P3H3: variants seen among roughly 807,000 people sequenced by gnomAD.
P3H3 encodes gene rich cluster, B.
P3H3 carries 64 observed loss-of-function variants against 78.1 expected under a neutral mutation model. That is an observed-to-expected ratio of 0.82 (90% CI 0.67 to 1.01). The LOEUF (loss-of-function observed/expected upper bound fraction) is 1.01, where lower values mean the gene tolerates loss of function less well. Ranked by LOEUF, P3H3 falls within the 50% of genes least tolerant of loss-of-function variation. P3H3 has a pLI of 0.00. For synonymous variants in P3H3, 425 were observed against 416.7 expected, an observed-to-expected ratio of 1.02 and a Z score of -0.24; for missense variants, 975 against 982.2, an observed-to-expected ratio of 0.99 and a Z score of 0.10.
At position 6,837,774 on chromosome 12, in the gene P3H3, C is replaced by G; in HGVS notation, c.1754C>G (p.Ala585Gly). 1 of 1,613,404 alleles carries G rather than the reference C, an allele frequency of 6.2e-7. No individual in the cohort carries two copies. The highest frequency in any genetic ancestry group is 8.5e-7 in the Non-Finnish European group (1 of 1,179,692). ...QRMDLSHPVHADNCVLDPDTG... is the reference protein window; with the variant it reads ...QRMDLSHPVHGDNCVLDPDTG... The stretch of plus-strand genomic sequence containing the variant: ...ATGGACCTGAGTCACCCAGTGCACG[C>G]AGACAACTGCGTCCTGGACCCTGAC... The change falls in exon 12 of 15, where the codon GCA becomes GGA. Residue 585 changes from alanine to glycine, a missense_variant. Transcript: ENST00000290510.
In P3H3 at chr12:6,833,489, C is replaced by G; in HGVS notation, c.1213-103C>G. On this transcript the variant is annotated intron_variant, in intron 6 of 14. Coordinates refer to ENST00000290510, the MANE Select transcript of P3H3 (RefSeq NM_014262.5). The stretch of plus-strand genomic sequence containing the variant: ...CCGGGCTTTTCCTACCTCCGTCTTC[C>G]TCTCTGGAAACAGAAGAAACTTAAT... The G allele has an allele frequency of 2.5e-6, 3 of 1,215,300 alleles. No individual in the cohort carries two copies. In the South Asian group the frequency reaches 3.7e-5, roughly 15 times the overall value. 75.3% of individuals were successfully genotyped at this position (1,215,300 alleles called of 1,614,324 possible).
Position 6,830,535 on chromosome 12 carries a change from C to T in P3H3, c.834C>T (p.Gly278=). The change falls in exon 3 of 15, where the codon GGC becomes GGT. Residue 278 remains glycine (G), a synonymous_variant. Transcript: ENST00000290510. ...AGGATGGGGCTGCGAGCCAGGGGGGCCTCTATGAGGCCATTGCAGGTAAGG... is the reference window on the plus strand; with the variant it reads ...AGGATGGGGCTGCGAGCCAGGGGGGTCTCTATGAGGCCATTGCAGGTAAGG... ...EEEDGAASQG[G]LYEAIAGHWI... The T allele has an allele frequency of 1.3e-6, 2 of 1,571,972 alleles. No homozygotes were observed. Among genetic ancestry groups the T allele is most frequent in the Non-Finnish European group, 1.7e-6 (2 of 1,159,200 alleles).
Position 6,831,712 on chromosome 12 carries a change from C to CG in P3H3, c.1123-107dup. Reference sequence around the variant, plus strand: ...GAGGGGGAACGTTGAACAGAGGAACCGGGGGGCATGGTGCCAGGTTCAAGG... The same window carrying CG: ...GAGGGGGAACGTTGAACAGAGGAACCGGGGGGGCATGGTGCCAGGTTCAAGG... On this transcript the variant is annotated intron_variant, in intron 5 of 14. Coordinates refer to ENST00000290510, the MANE Select transcript of P3H3 (RefSeq NM_014262.5). The surrounding 1 kb of genome is among the most constrained non-coding windows in gnomAD (Gnocchi z 4.6). 1.4e-6 allele frequency: 1 copy of CG among 739,268 alleles called. No homozygotes were observed. The highest frequency in any genetic ancestry group is 2.4e-6 in the Non-Finnish European group (1 of 418,978). The allele number at this position is 739,268 out of a possible 1,614,324, so 45.8% of individuals were successfully genotyped here.
chr12:6,837,009 T>A lies in P3H3; in HGVS notation c.1483T>A (p.Ser495Thr). 1.2e-6 allele frequency: 2 copies of A among 1,610,760 alleles called. No homozygotes were observed. Among genetic ancestry groups the A allele is most frequent in the Non-Finnish European group, 1.7e-6 (2 of 1,179,598 alleles). ...GGATGCAGCTGGGGCTGGAGCCAGG[T>A]CTGGCTATCGTGGTCGCCGCTCCCC... ...AKDAAGAGAR[S>T]GYRGRRSPHT... The change falls in exon 10 of 15, where the codon TCT (serine) becomes ACT (threonine). Residue 495 changes from serine to threonine, a missense_variant. By Grantham distance (58) the Ser-to-Thr change is moderately conservative. Transcript: ENST00000290510.
chr12:6,837,379 C>A (rs1555122312), intron 10 of P3H3, 44 bp from the exon 11 acceptor site: 1 of 1,581,132 alleles, frequency 6.3e-7, no homozygotes, highest in Non-Finnish European at 8.6e-7. Flanking sequence ...GACCACCCTC[C>A]CCTTGCCTTC....
rs1263857559 is a variant in P3H3 at position 6,839,619 on chromosome 12, C to G, written c.*158C>G. ...TCTTGGGGACCTACAAGGGCCTGGA[C>G]TCAGAGGACAGTGCACAGGCTAGCC... On this transcript the variant is annotated 3_prime_UTR_variant, in exon 15 of 15. Coordinates refer to ENST00000290510, the MANE Select transcript of P3H3 (RefSeq NM_014262.5). The G allele has an allele frequency of 5.2e-6, 5 of 956,422 alleles. No homozygotes were observed. In the Admixed American group the frequency reaches 8.5e-5, roughly 16 times the overall value. The allele number at this position is 956,422 out of a possible 1,614,324, so 59.2% of individuals were successfully genotyped here.
rs782015917 is a variant in P3H3, at chr12:6,837,479, C to T, written c.1617C>T (p.Ser539=). The change falls in exon 11 of 15, where the codon AGC becomes AGT. Residue 539 remains serine, a synonymous_variant. Transcript: ENST00000290510. The part of the protein sequence containing the change: ...SQGAKLLLEV[S]ERVRTLTQAY... Reference sequence around the variant, plus strand: ...GTGCTAAGCTGCTTCTGGAGGTGAGCGAGCGGGTGCGGACCTTGACCCAGG... The same window carrying T: ...GTGCTAAGCTGCTTCTGGAGGTGAGTGAGCGGGTGCGGACCTTGACCCAGG... 8.1e-6 allele frequency: 13 copies of T among 1,610,896 alleles called. No individual in the cohort carries two copies. Among genetic ancestry groups the T allele is most frequent in the Middle Eastern group, 1.6e-4 (1 of 6,076 alleles).
At position 6,837,940 on chromosome 12, in the gene P3H3, G is replaced by C. The variant is rs1943516931; in HGVS notation, c.1830-18G>C. 1 of 1,598,952 alleles carries C rather than the reference G, an allele frequency of 6.3e-7. No homozygotes were observed. Among genetic ancestry groups the C allele is most frequent in the Non-Finnish European group, 8.5e-7 (1 of 1,172,546 alleles). On this transcript the variant is annotated intron_variant, in intron 12 of 14. Coordinates refer to ENST00000290510, the MANE Select transcript of P3H3 (RefSeq NM_014262.5). The stretch of plus-strand genomic sequence containing the variant: ...CTGGGTTGGGGTCTCACTGCCTCTT[G>C]CTTTTTTCCCTCCCCAGCGGACTCC...
In P3H3 at chr12:6,831,268, C is replaced by G. The variant is rs1943448503; in HGVS notation, c.1038C>G (p.Tyr346Ter). 47 of 1,613,874 alleles carry G rather than the reference C, an allele frequency of 2.9e-5. No individual in the cohort carries two copies. The highest frequency in any genetic ancestry group is 3.9e-5 in the Non-Finnish European group (46 of 1,179,852). Residue 346 changes from tyrosine to a stop codon, truncating the protein, a stop_gained, in exon 5 of 15, where the codon TAC becomes TAG. Transcript: ENST00000290510. LOFTEE classifies it high-confidence loss of function. The surrounding 1 kb of genome is among the most constrained non-coding windows in gnomAD (Gnocchi z 4.6). ...ATGTCCTGAGTGTCCTGCTCTTCTA[C>G]CCGGAGGATGAGGCTGCCAAGAGGG... Reference protein sequence around the residue: ...IENVLSVLLFYPEDEAAKRAL... With the variant: ...IENVLSVLLF
chr12:6,830,897 A>T, intron 4 of P3H3, 127 bp downstream of exon 4: 1 of 1,374,464 alleles, frequency 7.3e-7, no homozygotes, highest in Non-Finnish European at 1.0e-6. Flanking sequence ...CATGGGAACC[A>T]TCACTTCACA....
At chr12:6,830,613 G>C in intron 3 of P3H3, 26 bp from the exon 4 acceptor site, 1 of 1,601,188 alleles carries the variant, frequency 6.2e-7, no homozygotes, top group Non-Finnish European at 8.5e-7. Flanking sequence ...TGAACAAGCT[G>C]AATGGCTTAT....
chr12:6,837,248 G>A (rs1943507716), intron 10 of P3H3, 162 bp downstream of exon 10: 2 of 1,026,454 alleles, frequency 1.9e-6, no homozygotes, highest in South Asian at 3.1e-5. Flanking sequence ...CTGAGAGCTG[G>A]GGCCGGGGTT....
chr12:6,833,057 C>T lies in P3H3; in HGVS notation c.1213-535C>T, dbSNP rs111965646. Among the ~76,000 whole-genome samples, 418 of 152,098 alleles carry T rather than the reference C, an allele frequency of 2.7e-3. 1 individual carries two copies. The highest frequency in any genetic ancestry group is 6.8e-3 in the Middle Eastern group (2 of 294). Reference sequence around the variant, plus strand: ...GGGCGTGGTGGCGGGCGCCTATAATCCCAGCTACCTGGGATGCTGAGGCAG... The same window carrying T: ...GGGCGTGGTGGCGGGCGCCTATAATTCCAGCTACCTGGGATGCTGAGGCAG... On this transcript the variant is annotated intron_variant, in intron 6 of 14. Transcript: ENST00000290510.
intron 4 of P3H3, 80 bp downstream of exon 4, chr12:6,830,850 A>T (rs1943443605): frequency 1.3e-6 from 2 of 1,572,674 alleles, no homozygotes; most frequent in Non-Finnish European, 1.7e-6. Flanking sequence ...TATCCCTCCC[A>T]TCTGTCTCTG....
At chr12:6,830,147 C>T in intron 2 of P3H3, 136 bp downstream of exon 2, 1 of 1,203,628 alleles carries the variant, frequency 8.3e-7, no homozygotes, top group Non-Finnish European at 1.2e-6. Flanking sequence ...GCTGGGAGTC[C>T]TTCTCTAGGA....
intron 9 of P3H3, 132 bp downstream of exon 9, chr12:6,834,181 C>G (rs1943475226): frequency 7.4e-7 from 1 of 1,343,574 alleles, no homozygotes; most frequent in Non-Finnish European, 1.0e-6. Flanking sequence ...ACCACTGCCT[C>G]TCAGCTGTGG....
chr12:6,830,671 C>A lies in P3H3; in HGVS notation c.886C>A (p.Arg296Ser). The A allele has an allele frequency of 6.2e-7, 1 of 1,613,308 alleles. No individual in the cohort carries two copies. Among genetic ancestry groups the A allele is most frequent in the South Asian group, 1.1e-5 (1 of 90,992 alleles). Residue 296 changes from arginine (R) to serine (S), a missense_variant, in exon 4 of 15, where the codon CGC becomes AGC. By Grantham distance (110) the Arg-to-Ser change is moderately radical (BLOSUM62 -1). Coordinates refer to ENST00000290510, the MANE Select transcript of P3H3 (RefSeq NM_014262.5). ...GATTCAGGTCCTGCAGTGCCGGCAA[C>A]GCTGTGTGGGGGAAACAGCCACACG... is the stretch of plus-strand genomic sequence containing the variant. ...HWIQVLQCRQRCVGETATRPG... is the reference protein window; with the variant it reads ...HWIQVLQCRQSCVGETATRPG...
At chr12:6,838,856 C>G in intron 13 of P3H3, 144 bp from the exon 14 acceptor site, 1 of 611,950 alleles carries the variant, frequency 1.6e-6, no homozygotes, top group Non-Finnish European at 2.5e-6. Context: ...TTGCCCCAAG[C>G]TAGTCCCTGA....
intron 2 of P3H3, 62 bp from the exon 3 acceptor site, chr12:6,830,291 C>T (rs1217434272): frequency 3.3e-6 from 5 of 1,499,622 alleles, no homozygotes; most frequent in Non-Finnish European, 4.5e-6. Flanking sequence ...CCCCTCTCCT[C>T]TCTACCTCCC....
Sources: gnomAD v4.1 joint callset for allele counts (sites outside exome capture counted in the v4.1 genomes callset) on GRCh38, gnomAD v4.1.1 for gene constraint, Gnocchi (gnomAD v3.1) non-coding constraint, MANE v1.5 for transcripts, NCBI Gene and HGNC (gene_info 2026-07-23, HGNC 2026-07-21) for gene names.